Variants in CNTNAP2 observed in about 807,000 individuals in gnomAD.
CNTNAP2 encodes the protein contactin-associated protein-like 2.
In CNTNAP2, 98 loss-of-function variants were observed where a neutral mutation model predicts 155.2. The ratio of observed to expected loss-of-function variants is 0.63; its 90% CI spans 0.54 to 0.75. The LOEUF (loss-of-function observed/expected upper bound fraction) is 0.75. Ranked by LOEUF, CNTNAP2 falls within the 30% of genes least tolerant of loss-of-function variation. The pLI, the probability that CNTNAP2 is intolerant of heterozygous loss-of-function variation, is 0.00. For synonymous variants in CNTNAP2, 651 were observed against 631.2 expected (o/e 1.03, Z -0.47); for missense variants, 1,727 against 1,688.1 (o/e 1.02, Z -0.40).
At position 146,775,368 on chromosome 7, in the gene CNTNAP2, G is replaced by A. The variant is rs145753349; in HGVS notation, c.208+987G>A. ...GTGATGGATATGTTAATTATCTTGA[G>A]TTAATTATTTCACAATACATATGTC... On this transcript the variant is annotated intron_variant, in intron 2 of 23. Coordinates refer to ENST00000361727, the MANE Select transcript of CNTNAP2 (RefSeq NM_014141.6). Among the ~76,000 whole-genome samples the A allele has an allele frequency of 3.8e-3, 575 of 152,120 alleles. 9 individuals are homozygous for A. Among genetic ancestry groups the A allele is most frequent in the East Asian group, 0.026 (134 of 5,172 alleles).
intron 8 of CNTNAP2, among the ~76,000 whole-genome samples, chr7:147,164,406 A>G (rs1461055799): frequency 6.6e-6 from 1 of 152,224 alleles, no homozygotes; most frequent in Non-Finnish European, 1.5e-5. Flanking sequence ...TAGAAAGCAC[A>G]TGGTTCCCAT....
chr7:146,772,661 T>G (rs1802315651), intron 1 of CNTNAP2, among the ~76,000 whole-genome samples: 1 of 151,766 alleles, frequency 6.6e-6, no homozygotes, highest in African/African-American at 2.4e-5. Flanking sequence ...AGAGTGACAC[T>G]CGGTCTCAAA....
intron 15 of CNTNAP2, among the ~76,000 whole-genome samples, chr7:147,985,146 A>ATAAATAAC (rs1297213030): frequency 1.4e-5 from 2 of 146,828 alleles, no homozygotes; most frequent in Non-Finnish European, 3.0e-5. Flanking sequence ...AAATAAATAA[A>ATAAATAAC]TAACTATTTA....
intron 1 of CNTNAP2, among the ~76,000 whole-genome samples, chr7:146,406,973 A>T (rs1034530311): frequency 6.6e-6 from 1 of 152,216 alleles, no homozygotes; most frequent in African/African-American, 2.4e-5. Flanking sequence ...ATTTTCATAG[A>T]TCACTTTCTA....
rs534133823 is a variant in CNTNAP2 at position 148,287,938 on chromosome 7, C to A, written c.3475+20812C>A. Among the ~76,000 whole-genome samples the A allele has an allele frequency of 2.0e-5, 3 of 151,066 alleles. No individual in the cohort carries two copies. In the South Asian group the frequency reaches 6.3e-4, roughly 32 times the overall value. ...TCCGGAGTAGCTGGGATTACAGGCACGTGCCACCACGCCCAGCTAATTTTT... is the reference window on the plus strand; with the variant it reads ...TCCGGAGTAGCTGGGATTACAGGCAAGTGCCACCACGCCCAGCTAATTTTT... On this transcript the variant is annotated intron_variant, in intron 21 of 23. Transcript: ENST00000361727.
In CNTNAP2 at chr7:146,988,181, A is replaced by C. The variant is rs954185612; in HGVS notation, c.403-55726A>C. On this transcript the variant is annotated intron_variant, in intron 3 of 23. Transcript: ENST00000361727. ...GGTCCTATATGAGGAAATGTCTTTT[A>C]ATGTGCAATATTAAAATTCACGGTC... 9.2e-5 allele frequency among the ~76,000 whole-genome samples: 14 copies of C among 152,096 alleles called. No homozygotes were observed. In the South Asian group the frequency reaches 2.9e-3, roughly 31 times the overall value.
At chr7:148,339,247 C>G (rs1360670904) in intron 21 of CNTNAP2, among the ~76,000 whole-genome samples, 1 of 146,186 alleles carries the variant, frequency 6.8e-6, no homozygotes, top group Non-Finnish European at 1.5e-5. Flanking sequence ...AGGCTCAAAG[C>G]CCAAACATCG....
intron 1 of CNTNAP2, among the ~76,000 whole-genome samples, chr7:146,754,050 G>A (rs989959116): frequency 6.6e-6 from 1 of 151,944 alleles, no homozygotes; most frequent in Non-Finnish European, 1.5e-5. Context: ...CAAGCTAGTG[G>A]TATAGCAACA....
chr7:146,559,933 C>A (rs1798255493), intron 1 of CNTNAP2, among the ~76,000 whole-genome samples: 1 of 152,168 alleles, frequency 6.6e-6, no homozygotes, highest in African/African-American at 2.4e-5. Context: ...ATTTACATAT[C>A]TATACCTTTG....
At chr7:146,457,650 C>T (rs1584934430) in intron 1 of CNTNAP2, among the ~76,000 whole-genome samples, 1 of 149,680 alleles carries the variant, frequency 6.7e-6, no homozygotes, top group African/African-American at 2.5e-5. Context: ...ACTACAGGTA[C>T]GTGCCACCAT....
chr7:147,890,767 TAG>T (rs1799675776), intron 13 of CNTNAP2, among the ~76,000 whole-genome samples: 1 of 152,124 alleles, frequency 6.6e-6, no homozygotes, highest in Non-Finnish European at 1.5e-5. Flanking sequence ...CTCATAGAAT[TAG>T]AGAGTTGAAT....
At chr7:148,096,267 G>GTGCA (rs36131746) in intron 15 of CNTNAP2, among the ~76,000 whole-genome samples, 1 of 141,692 alleles carries the variant, frequency 7.1e-6, no homozygotes, top group Non-Finnish European at 1.5e-5. Context: ...GTTTTTCTGC[G>GTGCA]TGCATGCATG....
intron 13 of CNTNAP2, among the ~76,000 whole-genome samples, chr7:147,762,244 A>G (rs1563079949): frequency 6.6e-6 from 1 of 152,086 alleles, no homozygotes; most frequent in Non-Finnish European, 1.5e-5. Context: ...AAATTAAGTG[A>G]CATCAATGGA....
intron 13 of CNTNAP2, among the ~76,000 whole-genome samples, chr7:147,643,758 C>A (rs2116931365): frequency 6.6e-6 from 1 of 152,170 alleles, no homozygotes; most frequent in African/African-American, 2.4e-5. Context: ...ATTTTAAGAG[C>A]TTTACGCTCA....
Position 147,766,259 on chromosome 7 carries a change from C to G in CNTNAP2, c.2098+126953C>G, listed in dbSNP as rs564619018. ...AAAGCTGATTATACACTAAATAAAA[C>G]TAAGACAAATTTGGAAAGTTGGTAC... On this transcript the variant is annotated intron_variant, in intron 13 of 23. Transcript: ENST00000361727. Among the ~76,000 whole-genome samples, 7 of 152,162 alleles carry G rather than the reference C, an allele frequency of 4.6e-5. No individual in the cohort carries two copies. In the South Asian group the frequency reaches 1.5e-3, roughly 32 times the overall value.
chr7:146,653,941 C>T (rs1799955891), intron 1 of CNTNAP2, among the ~76,000 whole-genome samples: 1 of 152,186 alleles, frequency 6.6e-6, no homozygotes, highest in African/African-American at 2.4e-5. Flanking sequence ...TGCTTTATTA[C>T]TGCCCTCTTG....
At chr7:147,142,816 C>T (rs1801626967) in intron 8 of CNTNAP2, among the ~76,000 whole-genome samples, 1 of 152,164 alleles carries the variant, frequency 6.6e-6, no homozygotes, top group Admixed American at 6.5e-5. Context: ...ACAAACTATG[C>T]TCCACTGGAG....
At chr7:146,875,962 CAAAAAACAAAAA>C (rs1795419553) in intron 3 of CNTNAP2, among the ~76,000 whole-genome samples, 2 of 74,892 alleles carry the variant, frequency 2.7e-5, no homozygotes, top group African/African-American at 9.8e-5. Flanking sequence ...AAAAAAAAAA[CAAAAAACAAAAA>C]AACGAGAAGA....
chr7:148,242,146 CAAAGCATCAT>C (rs1202221343), intron 20 of CNTNAP2, among the ~76,000 whole-genome samples: 1 of 152,208 alleles, frequency 6.6e-6, no homozygotes, highest in African/African-American at 2.4e-5. Flanking sequence ...GTCCAATCTG[CAAAGCATCAT>C]ACTGTTATAT....
Sources: gnomAD v4.1 joint callset for allele counts (sites outside exome capture counted in the v4.1 genomes callset) on GRCh38, gnomAD v4.1.1 for gene constraint, MANE v1.5 for transcripts, NCBI Gene and HGNC (gene_info 2026-07-23, HGNC 2026-07-21) for gene names.